BTNL8: variants seen among roughly 807,000 people sequenced by gnomAD.
The protein encoded by BTNL8 is butyrophilin-like protein 8.
A neutral mutation model predicts 36.1 loss-of-function variants in BTNL8; 22 were observed. That is an observed-to-expected ratio of 0.61 (90% CI 0.44 to 0.87). BTNL8 has a LOEUF of 0.87. BTNL8 is among the 40% of genes least tolerant of loss of function. BTNL8 has a pLI of 0.00. For missense variants in BTNL8, 526 were observed against 616.9 expected, an observed-to-expected ratio of 0.85 and a Z score of 1.56; for synonymous variants, 203 against 235.6, an observed-to-expected ratio of 0.86 and a Z score of 1.27.
At position 180,908,477 on chromosome 5, in the gene BTNL8, C is replaced by T. The variant is rs1037314124; in HGVS notation, c.50-109C>T. On this transcript the variant is annotated intron_variant, in intron 1 of 7. Transcript: ENST00000340184. ...TGCAGAAATCACCCATGTTCTGCGT[C>T]GCTCACTCTGGGAGCTGTAGACCGG... 1.5e-4 allele frequency: 150 copies of T among 1,026,998 alleles called. 1 individual carries two copies. The Admixed American group carries it at 2.9e-3, about 20-fold the overall frequency. 63.6% of individuals were successfully genotyped at this position (1,026,998 alleles called of 1,614,324 possible). A position where few individuals can be genotyped will look rare whatever the true frequency, so the allele number is the denominator to read the frequency against.
chr5:180,920,655 A>G (rs761081325), intron 3 of BTNL8, among the ~76,000 whole-genome samples: 7 of 152,076 alleles, frequency 4.6e-5, no homozygotes, highest in Non-Finnish European at 4.4e-5. Context: ...AATAAAAAGC[A>G]ACATGTGGAA....
chr5:180,939,860 AT>A (rs202145807), intron 3 of BTNL8, among the ~76,000 whole-genome samples: 6 of 152,068 alleles, frequency 3.9e-5, no homozygotes, highest in African/African-American at 1.2e-4. Flanking sequence ...AACCTCAACA[AT>A]TTTTTTTAAA....
intron 3 of BTNL8, among the ~76,000 whole-genome samples, chr5:180,930,009 C>G (rs1041175228): frequency 1.5e-4 from 23 of 152,164 alleles, no homozygotes; most frequent in Non-Finnish European, 3.1e-4. Context: ...AGAAACACAA[C>G]AAAAAAGGAA....
chr5:180,908,196 T>C (rs9687559), intron 1 of BTNL8, among the ~76,000 whole-genome samples: 58,418 of 152,066 alleles, frequency 0.38, 12,887 homozygotes, highest in African/African-American at 0.61. Context: ...GAGCCAGGTG[T>C]GGGATATAAT....
At chr5:180,946,456 G>A (rs752920168) in intron 3 of BTNL8, among the ~76,000 whole-genome samples, 12 of 152,130 alleles carry the variant, frequency 7.9e-5, no homozygotes, top group Admixed American at 1.3e-4. Context: ...ACATTTTGTC[G>A]TTTGCAACTC....
In BTNL8 at chr5:180,950,510, C is replaced by T; in HGVS notation, c.1469C>T (p.Ala490Val). ...ETSNSESSSQ[A>V]TTPFLPRGEM is the part of the protein sequence containing the mutation. ...AGCAACAGTGAGTCCTCCTCACAGG[C>T]AACCACGCCCTTCCTCCCCAGGGGT... Residue 490 changes from alanine (A) to valine (V), a missense_variant, in exon 8 of 8, where the codon GCA (alanine) becomes GTA (valine). This residue lies in a region of BTNL8 where 176 missense variants were observed against 292.3 expected (regional missense o/e 0.60). Transcript: ENST00000340184. 1 of 1,463,172 alleles carries T rather than the reference C, an allele frequency of 6.8e-7. No individual in the cohort carries two copies. Among genetic ancestry groups the T allele is most frequent in the South Asian group, 1.1e-5 (1 of 89,284 alleles). The allele number at this position is 1,463,172 out of a possible 1,614,324, so 90.6% of individuals were successfully genotyped here. A position where few individuals can be genotyped will look rare whatever the true frequency, so the allele number is the denominator to read the frequency against.
At chr5:180,934,967 A>G (rs1228111859) in intron 3 of BTNL8, among the ~76,000 whole-genome samples, 2 of 152,028 alleles carry the variant, frequency 1.3e-5, no homozygotes, top group African/African-American at 4.8e-5. Flanking sequence ...GAGGAGCTTT[A>G]TTGAGCAACA....
chr5:180,899,410 A>G (rs759981287), intron 1 of BTNL8, 51 bp downstream of exon 1: 1 of 1,561,412 alleles, frequency 6.4e-7, no homozygotes, highest in South Asian at 1.1e-5. Context: ...TGAGTTCTTT[A>G]GCTACAATGG....
chr5:180,929,923 CA>C (rs1054114824), intron 3 of BTNL8, among the ~76,000 whole-genome samples: 55 of 145,112 alleles, frequency 3.8e-4, no homozygotes, highest in African/African-American at 1.4e-3. Context: ...GAAACTATTC[CA>C]AACAATAGAA....
chr5:180,900,973 C>G (rs997849058), intron 1 of BTNL8, among the ~76,000 whole-genome samples: 2 of 152,190 alleles, frequency 1.3e-5, no homozygotes, highest in African/African-American at 4.8e-5. Flanking sequence ...AGGAAGCCCT[C>G]AGCAGAGAGG....
At chr5:180,902,023 A>G (rs575432238) in intron 1 of BTNL8, among the ~76,000 whole-genome samples, 24 of 152,340 alleles carry the variant, frequency 1.6e-4, no homozygotes, top group African/African-American at 5.5e-4. Flanking sequence ...GAAATGTAAC[A>G]TTCCTCTATA....
chr5:180,920,005 TCA>T (rs1757795118), intron 3 of BTNL8, among the ~76,000 whole-genome samples: 1 of 152,150 alleles, frequency 6.6e-6, no homozygotes, highest in Admixed American at 6.5e-5. Flanking sequence ...AAGGCATTTC[TCA>T]CAGAATTAGA....
Position 180,908,629 on chromosome 5 carries a change from G to A in BTNL8, c.93G>A (p.Leu31=), listed in dbSNP as rs1757231183. 4 of 1,614,232 alleles carry A rather than the reference G, an allele frequency of 2.5e-6. No homozygotes were observed. In the East Asian group the frequency reaches 8.9e-5, roughly 36 times the overall value. ...VFGPDKPVQA[L]VGEDAAFSCF... ...GGCCAGACAAGCCTGTCCAGGCCTTGGTGGGGGAGGACGCAGCATTCTCCT... is the reference window on the plus strand; with the variant it reads ...GGCCAGACAAGCCTGTCCAGGCCTTAGTGGGGGAGGACGCAGCATTCTCCT... Residue 31 remains leucine, a synonymous_variant, in exon 2 of 8, where the codon TTG becomes TTA. Coordinates refer to ENST00000340184, the MANE Select transcript of BTNL8 (RefSeq NM_001040462.3).
In BTNL8 at chr5:180,899,215, T is replaced by G; in HGVS notation, c.-96T>G. On this transcript the variant is annotated 5_prime_UTR_variant, in exon 1 of 8. Coordinates refer to ENST00000340184, the MANE Select transcript of BTNL8 (RefSeq NM_001040462.3). ...GAGCCTCTCCGTGGCTTCCGCACCT[T>G]GAGCATTAGGCCAGTTCTCCTCTTC... 5.4e-6 allele frequency: 8 copies of G among 1,478,770 alleles called. No individual in the cohort carries two copies. Among genetic ancestry groups the G allele is most frequent in the Non-Finnish European group, 7.5e-6 (8 of 1,060,064 alleles). 91.6% of individuals were successfully genotyped at this position (1,478,770 alleles called of 1,614,324 possible).
chr5:180,947,563 T>C lies in BTNL8; in HGVS notation c.725T>C (p.Ile242Thr). ...CACCTGGCTACCAAAGTACTGGGAA[T>C]ACTCTGCTGTGGCCTATTTTTTGGC... is the stretch of plus-strand genomic sequence containing the variant. Reference protein sequence around the residue: ...SWHLATKVLGILCCGLFFGIV... With the variant: ...SWHLATKVLGTLCCGLFFGIV... The change falls in exon 4 of 8, where the codon ATA (isoleucine) becomes ACA (threonine). Residue 242 changes from isoleucine to threonine, a missense_variant. By Grantham distance (89) the Ile-to-Thr change is moderately conservative (BLOSUM62 -1). This residue lies in a region of BTNL8 where 350 missense variants were observed against 324.6 expected (regional missense o/e 1.08). Transcript: ENST00000340184. 1 of 1,614,122 alleles carries C rather than the reference T, an allele frequency of 6.2e-7. No homozygotes were observed. The highest frequency in any genetic ancestry group is 8.5e-7 in the Non-Finnish European group (1 of 1,179,930).
chr5:180,949,655 G>A, intron 7 of BTNL8: 1 of 558,090 alleles, frequency 1.8e-6, no homozygotes, highest in Non-Finnish European at 3.1e-6. Context: ...ATGTATGAAG[G>A]GACAGTGGCA....
chr5:180,914,175 C>T (rs974840607), intron 3 of BTNL8, among the ~76,000 whole-genome samples: 1 of 152,178 alleles, frequency 6.6e-6, no homozygotes, highest in Non-Finnish European at 1.5e-5. Context: ...TGATTAAGTC[C>T]TGAGGACTAT....
rs1299383956 is a variant in BTNL8, at chr5:180,902,342, G to A, written c.49+2983G>A. The stretch of plus-strand genomic sequence containing the variant: ...AAAAACATTAATAATACACATTTCT[G>A]CAGGTGCTCCTCAAGATCGAATGAA... On this transcript the variant is annotated intron_variant, in intron 1 of 7. Coordinates refer to ENST00000340184, the MANE Select transcript of BTNL8 (RefSeq NM_001040462.3). The A allele has an allele frequency of 4.5e-6, 7 of 1,548,874 alleles. No individual in the cohort carries two copies. In the Admixed American group the frequency reaches 1.4e-4, roughly 30 times the overall value.
chr5:180,937,942 T>TA (rs35660075), intron 3 of BTNL8, among the ~76,000 whole-genome samples: 146,429 of 148,098 alleles, frequency 0.99, 72,393 homozygotes, highest in Middle Eastern at 1. Flanking sequence ...TTTCCCCATT[T>TA]AAAAAAAAAA....
Sources: allele counts gnomAD v4.1 joint callset (sites outside exome capture counted in the v4.1 genomes callset), GRCh38; gene constraint gnomAD v4.1.1; regional missense constraint gnomAD v4.1.1; transcripts MANE v1.5; gene names NCBI Gene and HGNC (gene_info 2026-07-23, HGNC 2026-07-21).